CATSPERE: variants seen among roughly 807,000 people sequenced by gnomAD.
CATSPERE encodes the protein cation channel sperm-associated auxiliary subunit epsilon.
Under a neutral mutation model 114.1 loss-of-function variants are expected in CATSPERE, and 93 were observed. The observed-to-expected ratio is 0.81, with a 90% confidence interval of 0.69 to 0.97. CATSPERE has a LOEUF of 0.97. CATSPERE is among the 50% of genes least tolerant of loss of function. The pLI is 0.00. For missense variants in CATSPERE, 1,058 were observed against 1,131.6 expected (o/e 0.93, Z 0.93); for synonymous variants, 341 against 384.1 (o/e 0.89, Z 1.31).
intron 7 of CATSPERE, among the ~76,000 whole-genome samples, chr1:244,512,401 T>C (rs574252374): frequency 7.2e-5 from 11 of 152,286 alleles, no homozygotes; most frequent in Non-Finnish European, 1.3e-4. Flanking sequence ...TTTTCTTTAA[T>C]ATCTATCTGT....
At position 244,525,358 on chromosome 1, in the gene CATSPERE, C is replaced by A. The variant is rs1276911982; in HGVS notation, c.536+6660C>A. Among the ~76,000 whole-genome samples, 764 of 95,122 alleles carry A rather than the reference C, an allele frequency of 8.0e-3. 10 individuals are homozygous for A. Among genetic ancestry groups the A allele is most frequent in the African/African-American group, 0.032 (713 of 22,530 alleles). The allele number at this position is 95,122 out of a possible 152,430, so 62.4% of individuals were successfully genotyped here. On this transcript the variant is annotated intron_variant, in intron 8 of 21. Transcript: ENST00000366534. ...CTCTTTTGGAGTGGGGGGAGGGGGG[C>A]GGGATAGCTCTGGAAGATATACCTA... is the stretch of plus-strand genomic sequence containing the variant.
chr1:244,569,197 C>A (rs968355270), intron 10 of CATSPERE, among the ~76,000 whole-genome samples: 15 of 152,072 alleles, frequency 9.9e-5, no homozygotes, highest in Non-Finnish European at 2.2e-4. Flanking sequence ...GAGGGAGTTC[C>A]CTGACCCCTT....
chr1:244,467,406 C>T (rs748194798), intron 2 of CATSPERE, among the ~76,000 whole-genome samples: 2 of 152,132 alleles, frequency 1.3e-5, no homozygotes, highest in African/African-American at 4.8e-5. Context: ...ATTAAAATTA[C>T]AGGGAGATGT....
intron 10 of CATSPERE, among the ~76,000 whole-genome samples, chr1:244,567,704 C>A (rs1663804743): frequency 6.6e-6 from 1 of 151,770 alleles, no homozygotes; most frequent in Non-Finnish European, 1.5e-5. Flanking sequence ...TTATTTATGT[C>A]CTTCTCTACA....
rs1321270204 is a variant in CATSPERE at position 244,640,240 on chromosome 1, C to T, written c.*159C>T. ...CTGAAAAATATTCTTGAACTATCTC[C>T]AAAATAGAAATGTTTTCATATATAT... On this transcript the variant is annotated 3_prime_UTR_variant, in exon 22 of 22. Coordinates refer to ENST00000366534, the MANE Select transcript of CATSPERE (RefSeq NM_001130957.2). The T allele has an allele frequency of 3.7e-6, 2 of 541,990 alleles. No homozygotes were observed. Among genetic ancestry groups the T allele is most frequent in the Non-Finnish European group, 6.3e-6 (2 of 315,298 alleles). 33.6% of individuals were successfully genotyped at this position (541,990 alleles called of 1,614,324 possible).
chr1:244,524,745 C>A (rs374419670), intron 8 of CATSPERE, among the ~76,000 whole-genome samples: 2 of 148,582 alleles, frequency 1.3e-5, no homozygotes, highest in African/African-American at 5.2e-5. Context: ...AAAATGCTCA[C>A]CATCACTGGC....
intron 2 of CATSPERE, among the ~76,000 whole-genome samples, chr1:244,465,285 C>T (rs1335604241): frequency 3.3e-5 from 5 of 152,122 alleles, no homozygotes; most frequent in Admixed American, 6.5e-5. Context: ...CCACCAGCCT[C>T]GGCCTCCCAA....
chr1:244,459,518 A>T (rs1666461715), upstream of CATSPERE, among the ~76,000 whole-genome samples: 1 of 152,254 alleles, frequency 6.6e-6, no homozygotes. Flanking sequence ...GTAAGACTAA[A>T]GTTTATTTTG....
At chr1:244,572,226 A>C in intron 10 of CATSPERE, 104 bp from the exon 11 acceptor site, 1 of 654,000 alleles carries the variant, frequency 1.5e-6, no homozygotes, top group South Asian at 2.0e-5. Context: ...GTATGAAAAT[A>C]CTCGGTCATT....
chr1:244,584,775 G>A (rs1173350862), intron 13 of CATSPERE, among the ~76,000 whole-genome samples: 2 of 152,082 alleles, frequency 1.3e-5, no homozygotes, highest in African/African-American at 4.8e-5. Context: ...TCCTACCAGG[G>A]CAAGGTTCCA....
At chr1:244,593,305 T>G (rs1667966672) in intron 15 of CATSPERE, 90 bp from the exon 16 acceptor site, 1 of 1,310,688 alleles carries the variant, frequency 7.6e-7, no homozygotes, top group Non-Finnish European at 1.1e-6. Flanking sequence ...GTTTGACCTT[T>G]GTGATACCTC....
chr1:244,601,680 G>A (rs1022857990), intron 17 of CATSPERE, among the ~76,000 whole-genome samples: 10 of 152,170 alleles, frequency 6.6e-5, no homozygotes, highest in South Asian at 2.1e-4. Flanking sequence ...AGGGCCGGGC[G>A]CGGTGGCTCC....
rs1476267922 is a variant in CATSPERE, at chr1:244,625,430, A to AT, written c.2648+7745dup. Among the ~76,000 whole-genome samples the AT allele has an allele frequency of 1.4e-3, 6 of 4,342 alleles. 1 individual carries two copies. The highest frequency in any genetic ancestry group is 3.3e-3 in the African/African-American group (6 of 1,834). The allele number at this position is 4,342 out of a possible 152,430, so 2.8% of individuals were successfully genotyped here. On this transcript the variant is annotated intron_variant, in intron 20 of 21. Coordinates refer to ENST00000366534, the MANE Select transcript of CATSPERE (RefSeq NM_001130957.2). ...TTTATATATATATATATATATATAT[A>AT]TATTTTTTTTTTTTTTTGAGATGGA...
intron 8 of CATSPERE, among the ~76,000 whole-genome samples, chr1:244,551,747 T>C (rs1292334089): frequency 6.6e-6 from 1 of 152,122 alleles, no homozygotes; most frequent in Non-Finnish European, 1.5e-5. Flanking sequence ...ATAAAAATTA[T>C]GTATTAAGAA....
intron 19 of CATSPERE, 102 bp from the exon 20 acceptor site, chr1:244,617,427 C>T: frequency 1.2e-6 from 1 of 856,444 alleles, no homozygotes; most frequent in Non-Finnish European, 1.7e-6. Context: ...AAGGGAATAG[C>T]CATTACATCT....
intron 11 of CATSPERE, among the ~76,000 whole-genome samples, chr1:244,577,794 A>T (rs973329961): frequency 6.6e-6 from 1 of 152,234 alleles, no homozygotes; most frequent in African/African-American, 2.4e-5. Context: ...CTATCAGTGT[A>T]ATAACATTTA....
At chr1:244,530,124 T>G (rs1679357202) in intron 8 of CATSPERE, among the ~76,000 whole-genome samples, 1 of 152,120 alleles carries the variant, frequency 6.6e-6, no homozygotes. Context: ...ACTTTTGTAT[T>G]TTTCAGTAGA....
Position 244,483,442 on chromosome 1 carries a change from A to G in CATSPERE, c.326+3658A>G, listed in dbSNP as rs144163510. Among the ~76,000 whole-genome samples, 206 of 152,276 alleles carry G rather than the reference A, an allele frequency of 1.4e-3. 1 individual carries two copies. The highest frequency in any genetic ancestry group is 4.7e-3 in the African/African-American group (195 of 41,560). ...AAAGATTGTCCAATTTTATATCCAC[A>G]CTAGTAGTACGTGAAAGTTTCCATT... is the stretch of plus-strand genomic sequence containing the variant. On this transcript the variant is annotated intron_variant, in intron 5 of 21. Coordinates refer to ENST00000366534, the MANE Select transcript of CATSPERE (RefSeq NM_001130957.2).
At chr1:244,574,992 T>G (rs1234565082) in intron 11 of CATSPERE, among the ~76,000 whole-genome samples, 1 of 152,190 alleles carries the variant, frequency 6.6e-6, no homozygotes, top group East Asian at 1.9e-4. Context: ...CTGATCTCTG[T>G]CTCTTTCAGT....
Sources: allele counts gnomAD v4.1 joint callset (sites outside exome capture counted in the v4.1 genomes callset), GRCh38; gene constraint gnomAD v4.1.1; transcripts MANE v1.5; gene names NCBI Gene and HGNC (gene_info 2026-07-23, HGNC 2026-07-21).